Variants in RNF217 observed in about 807,000 individuals in gnomAD.
The protein encoded by RNF217 is E3 ubiquitin-protein ligase RNF217.
RNF217 carries 31 observed loss-of-function variants against 57.8 expected under a neutral mutation model. That is an observed-to-expected ratio of 0.54 (90% confidence interval 0.40 to 0.72). The LOEUF is 0.72. Ranked by LOEUF, RNF217 falls within the 30% of genes least tolerant of loss-of-function variation. The pLI, the probability that RNF217 is intolerant of heterozygous loss-of-function variation, is 0.00. For missense variants in RNF217, 696 were observed against 708.3 expected (o/e 0.98, Z 0.20); for synonymous variants, 313 against 294.0 (o/e 1.06, Z -0.66).
At chr6:125,067,202 G>C (rs760064075) in intron 3 of RNF217, among the ~76,000 whole-genome samples, 1 of 152,154 alleles carries the variant, frequency 6.6e-6, no homozygotes, top group Non-Finnish European at 1.5e-5. Flanking sequence ...TTAACTTAGC[G>C]TAAGGTTTAT....
At position 125,086,635 on chromosome 6, in the gene RNF217, A is replaced by G. The variant is rs1016282890; in HGVS notation, c.*3698A>G. On this transcript the variant is annotated 3_prime_UTR_variant, in exon 6 of 6. Transcript: ENST00000521654. ...AATTATAAATCGTGGAATAATTTAT[A>G]TATGTGGAGTAAGAAGAGAGGGGTC... 2 of 152,102 alleles carry G rather than the reference A, an allele frequency of 1.3e-5. No homozygotes were observed. Among genetic ancestry groups the G allele is most frequent in the African/African-American group, 4.8e-5 (2 of 41,442 alleles). 9.4% of individuals were successfully genotyped at this position (152,102 alleles called of 1,614,324 possible).
At chr6:124,989,751 G>A (rs1784487147) in intron 1 of RNF217, among the ~76,000 whole-genome samples, 1 of 151,698 alleles carries the variant, frequency 6.6e-6, no homozygotes, top group Non-Finnish European at 1.5e-5. Flanking sequence ...CAGGCAGCAG[G>A]TTAGATGTGG....
At chr6:125,072,558 T>C (rs1296478550) in intron 3 of RNF217, among the ~76,000 whole-genome samples, 1 of 152,146 alleles carries the variant, frequency 6.6e-6, no homozygotes, top group Non-Finnish European at 1.5e-5. Flanking sequence ...AAATAATAAA[T>C]AGGCCACATA....
At chr6:125,064,170 A>G (rs1003562398) in intron 3 of RNF217, among the ~76,000 whole-genome samples, 1 of 152,154 alleles carries the variant, frequency 6.6e-6, no homozygotes, top group Non-Finnish European at 1.5e-5. Flanking sequence ...CAAATAATGC[A>G]CATTCAGAGG....
intron 3 of RNF217, among the ~76,000 whole-genome samples, chr6:125,065,748 G>A (rs1433050223): frequency 1.3e-5 from 2 of 152,096 alleles, no homozygotes; most frequent in Non-Finnish European, 2.9e-5. Context: ...TTTCTTTTCA[G>A]GTTTTAAGAG....
At chr6:124,966,248 G>A (rs930206912) in intron 1 of RNF217, among the ~76,000 whole-genome samples, 1 of 152,102 alleles carries the variant, frequency 6.6e-6, no homozygotes, top group Non-Finnish European at 1.5e-5. Flanking sequence ...CAATTCTATG[G>A]TCCCTCTACT....
At position 125,074,226 on chromosome 6, in the gene RNF217, T is replaced by C. The variant is rs145316394; in HGVS notation, c.1282-2431T>C. On this transcript the variant is annotated intron_variant, in intron 3 of 5. Coordinates refer to ENST00000521654, the MANE Select transcript of RNF217 (RefSeq NM_001286398.3). ...TGTAATATGCTGTGTTCCACTTAAT[T>C]ATTACTTCTTCAAAATGATCACAGT... is the stretch of plus-strand genomic sequence containing the variant. 4.1e-3 allele frequency among the ~76,000 whole-genome samples: 621 copies of C among 152,228 alleles called. 5 individuals carry two copies. Among genetic ancestry groups the C allele is most frequent in the African/African-American group, 0.014 (599 of 41,536 alleles).
chr6:125,056,060 C>T (rs1456450745), intron 2 of RNF217, among the ~76,000 whole-genome samples: 1 of 151,890 alleles, frequency 6.6e-6, no homozygotes, highest in Non-Finnish European at 1.5e-5. Flanking sequence ...CAAAGTTCAC[C>T]TTATCTTGGT....
intron 2 of RNF217, chr6:125,048,252 A>G: frequency 7.4e-7 from 1 of 1,352,038 alleles, no homozygotes; most frequent in Non-Finnish European, 9.9e-7. Context: ...GTTCTTTGTG[A>G]TGAACAGGTG....
chr6:125,016,828 T>C (rs1267338871), intron 1 of RNF217, among the ~76,000 whole-genome samples: 1 of 152,014 alleles, frequency 6.6e-6, no homozygotes, highest in Non-Finnish European at 1.5e-5. Flanking sequence ...TAATACCTAA[T>C]ATAGATGATG....
chr6:125,080,734 G>A (rs892241226), intron 4 of RNF217, among the ~76,000 whole-genome samples: 1 of 152,032 alleles, frequency 6.6e-6, no homozygotes, highest in Non-Finnish European at 1.5e-5. Flanking sequence ...ACTGCTTAGT[G>A]ATTCATTTAG....
intron 1 of RNF217, among the ~76,000 whole-genome samples, chr6:124,974,265 T>C (rs1008512411): frequency 1.3e-5 from 2 of 152,178 alleles, no homozygotes; most frequent in Admixed American, 6.5e-5. Flanking sequence ...AAGAGAAAAA[T>C]CAAGAATGTG....
chr6:124,989,265 G>A (rs1197253277), intron 1 of RNF217, among the ~76,000 whole-genome samples: 1 of 152,136 alleles, frequency 6.6e-6, no homozygotes, highest in Non-Finnish European at 1.5e-5. Context: ...TATAACTACA[G>A]TCTCACTGCA....
intron 1 of RNF217, among the ~76,000 whole-genome samples, chr6:125,017,112 A>T (rs181302421): frequency 6.6e-6 from 1 of 152,266 alleles, no homozygotes; most frequent in African/African-American, 2.4e-5. Context: ...ACAACTTAAA[A>T]TTTTTAAAAA....
At chr6:125,005,860 T>A (rs1193308876) in intron 1 of RNF217, among the ~76,000 whole-genome samples, 2 of 152,196 alleles carry the variant, frequency 1.3e-5, no homozygotes, top group Admixed American at 1.3e-4. Context: ...ATTATTATTA[T>A]TTATACTGGA....
rs573988685 is a variant in RNF217, at chr6:125,089,224, T to C, written c.*6287T>C. 6.6e-6 allele frequency: 1 copy of C among 152,274 alleles called. No individual in the cohort carries two copies. The highest frequency in any genetic ancestry group is 2.1e-4 in the South Asian group (1 of 4,822). 9.4% of individuals were successfully genotyped at this position (152,274 alleles called of 1,614,324 possible). A position where few individuals can be genotyped will look rare whatever the true frequency, so the allele number is the denominator to read the frequency against. ...CCAGTTGGATCAGAGGGCCTAATAATAGTCTAAAACCAAGCTTCAGAAATT... is the reference window on the plus strand; with the variant it reads ...CCAGTTGGATCAGAGGGCCTAATAACAGTCTAAAACCAAGCTTCAGAAATT... On this transcript the variant is annotated 3_prime_UTR_variant, in exon 6 of 6. Coordinates refer to ENST00000521654, the MANE Select transcript of RNF217 (RefSeq NM_001286398.3).
chr6:124,962,632 C>T lies in RNF217; in HGVS notation c.88C>T (p.Pro30Ser), dbSNP rs1582638408. Residue 30 changes from proline (P) to serine (S), a missense_variant, in exon 1 of 6, where the codon CCC (proline) becomes TCC (serine). Physicochemically the swap from Pro to Ser is moderately conservative, Grantham distance 74 (BLOSUM62 -1). Around this residue, in one of 2 missense-constraint regions of RNF217, gnomAD observed 465 missense variants for 386.8 expected, o/e 1.20. Coordinates refer to ENST00000521654, the MANE Select transcript of RNF217 (RefSeq NM_001286398.3). The surrounding 1 kb of genome is among the most constrained non-coding windows in gnomAD (Gnocchi z 4.6). ...LASGTAGHPE[P>S]PRPQGDSARA... ...CAGTGGCACTGCGGGCCACCCTGAG[C>T]CCCCGAGGCCTCAGGGGGACAGCGC... 3.8e-6 allele frequency: 5 copies of T among 1,319,394 alleles called. No homozygotes were observed. Among genetic ancestry groups the T allele is most frequent in the Non-Finnish European group, 4.8e-6 (5 of 1,045,232 alleles). 81.7% of individuals were successfully genotyped at this position (1,319,394 alleles called of 1,614,324 possible). A position where few individuals can be genotyped will look rare whatever the true frequency, so the allele number is the denominator to read the frequency against.
intron 2 of RNF217, among the ~76,000 whole-genome samples, chr6:125,048,879 T>G (rs1787198345): frequency 6.6e-6 from 1 of 152,054 alleles, no homozygotes; most frequent in Admixed American, 6.6e-5. Context: ...CTTTATATTA[T>G]GTTCTGAACA....
At chr6:125,079,771 A>G (rs1582785047) in intron 4 of RNF217, among the ~76,000 whole-genome samples, 1 of 152,218 alleles carries the variant, frequency 6.6e-6, no homozygotes, top group South Asian at 2.1e-4. Context: ...GTGCAAGTAT[A>G]ATTTAAAATA....
Sources: gnomAD v4.1 joint callset for allele counts (sites outside exome capture counted in the v4.1 genomes callset) on GRCh38, gnomAD v4.1.1 for gene constraint, gnomAD v4.1.1 regional missense constraint, Gnocchi (gnomAD v3.1) non-coding constraint, MANE v1.5 for transcripts, NCBI Gene and HGNC (gene_info 2026-07-23, HGNC 2026-07-21) for gene names.